GRIK1: variants seen among roughly 807,000 people sequenced by gnomAD.
The protein encoded by GRIK1 is glutamate ionotropic receptor kainate type subunit 1, also known as glutamate receptor ionotropic, kainate 1.
A neutral mutation model predicts 105.7 loss-of-function variants in GRIK1; 69 were observed. The observed-to-expected ratio is 0.65, with a 90% CI of 0.54 to 0.80. GRIK1 has a LOEUF of 0.80. Ranked by LOEUF, GRIK1 falls within the 30% of genes least tolerant of loss-of-function variation. The pLI is 0.00. For synonymous variants in GRIK1, 438 were observed against 431.3 expected (o/e 1.02, Z -0.19); for missense variants, 1,109 against 1,167.3 (o/e 0.95, Z 0.73).
intron 7 of GRIK1, among the ~76,000 whole-genome samples, chr21:29,640,927 TTTG>T (rs143408617): frequency 2.0e-5 from 3 of 152,192 alleles, no homozygotes; most frequent in South Asian, 2.1e-4. Context: ...TTGTGATGTC[TTTG>T]TTGTTGTTGT....
rs2067967642 is a variant in GRIK1 at position 29,841,069 on chromosome 21, A to T, written c.118+98314T>A. On this transcript the variant is annotated intron_variant, in intron 1 of 17. Transcript: ENST00000327783. ...ATATTTAGCTTTTCTTATTTTAAAA[A>T]TTTACTTATACTAGCAAATAAGAAA... Among the ~76,000 whole-genome samples the T allele has an allele frequency of 2.0e-5, 3 of 152,272 alleles. 1 individual carries two copies. Among genetic ancestry groups the T allele is most frequent in the South Asian group, 4.1e-4 (2 of 4,828 alleles).
At chr21:29,928,374 T>C (rs1386149622) in intron 1 of GRIK1, among the ~76,000 whole-genome samples, 1 of 152,210 alleles carries the variant, frequency 6.6e-6, no homozygotes, top group African/African-American at 2.4e-5. Flanking sequence ...CAGCTCCATC[T>C]TTCTTCCCCT....
chr21:29,692,805 C>T (rs934334058), intron 2 of GRIK1, among the ~76,000 whole-genome samples: 2 of 152,210 alleles, frequency 1.3e-5, no homozygotes, highest in South Asian at 2.1e-4. Context: ...GATCTCCTGA[C>T]CTCGTGATCC....
In GRIK1 at chr21:29,840,697, A is replaced by AT. The variant is rs199683981; in HGVS notation, c.118+98685dup. Among the ~76,000 whole-genome samples the AT allele has an allele frequency of 8.5e-3, 1,298 of 152,212 alleles. 21 individuals are homozygous for AT. The highest frequency in any genetic ancestry group is 0.03 in the African/African-American group (1,251 of 41,538). ...TTCAATAATTGTTTTGGCTCATAAT[A>AT]TTTTTTTACACTGTGTCTGAACAAT... On this transcript the variant is annotated intron_variant, in intron 1 of 17. Coordinates refer to ENST00000327783, the MANE Select transcript of GRIK1 (RefSeq NM_001330994.2).
chr21:29,905,619 A>ATTTTTTTTTTTTTTT (rs869179451), intron 1 of GRIK1, among the ~76,000 whole-genome samples: 1 of 72,582 alleles, frequency 1.4e-5, no homozygotes, highest in Non-Finnish European at 2.5e-5. Context: ...CAAATTTTGT[A>ATTTTTTTTTTTTTTT]TTTTTTTTTT....
At chr21:29,787,334 C>T (rs1321169220) in intron 1 of GRIK1, among the ~76,000 whole-genome samples, 1 of 152,154 alleles carries the variant, frequency 6.6e-6, no homozygotes, top group African/African-American at 2.4e-5. Context: ...CAGTGTTAAA[C>T]ATCATGGAGT....
chr21:29,734,443 C>A (rs2064731170), intron 1 of GRIK1, among the ~76,000 whole-genome samples: 1 of 144,346 alleles, frequency 6.9e-6, no homozygotes, highest in South Asian at 2.1e-4. Context: ...GAGTCTTACT[C>A]TCTTGCCCAG....
At chr21:29,852,836 G>C (rs2068351337) in intron 1 of GRIK1, among the ~76,000 whole-genome samples, 1 of 152,118 alleles carries the variant, frequency 6.6e-6, no homozygotes, top group Non-Finnish European at 1.5e-5. Context: ...AATTGCAGTA[G>C]GGATATATTT....
intron 1 of GRIK1, among the ~76,000 whole-genome samples, chr21:29,881,667 C>G (rs2069412360): frequency 6.6e-6 from 1 of 152,074 alleles, no homozygotes; most frequent in Non-Finnish European, 1.5e-5. Context: ...GTGAAATTGG[C>G]ATATGAACAA....
At chr21:29,758,687 C>A (rs2065419330) in intron 1 of GRIK1, 1 of 152,570 alleles carries the variant, frequency 6.6e-6, no homozygotes, top group Non-Finnish European at 1.5e-5. Context: ...TAATTTACTT[C>A]CAGTCAAAGA....
intron 7 of GRIK1, among the ~76,000 whole-genome samples, chr21:29,624,849 G>GAA (rs1412363200): frequency 1.9e-3 from 296 of 152,334 alleles, no homozygotes; most frequent in Non-Finnish European, 3.1e-3. Flanking sequence ...GAGAGGGCTT[G>GAA]CCCTCCTTCT....
At chr21:29,783,240 A>G (rs538111214) in intron 1 of GRIK1, among the ~76,000 whole-genome samples, 3 of 152,168 alleles carry the variant, frequency 2.0e-5, no homozygotes, top group East Asian at 1.9e-4. Context: ...TTCTATTACA[A>G]TATTTGTATT....
intron 1 of GRIK1, among the ~76,000 whole-genome samples, chr21:29,863,577 A>C (rs1429652789): frequency 6.6e-6 from 1 of 152,138 alleles, no homozygotes; most frequent in Non-Finnish European, 1.5e-5. Flanking sequence ...TCTTCTTTTG[A>C]CATTGTCTAT....
chr21:29,845,076 T>C (rs2146019119), intron 1 of GRIK1, among the ~76,000 whole-genome samples: 2 of 152,326 alleles, frequency 1.3e-5, no homozygotes, highest in South Asian at 4.1e-4. Context: ...ATCTTTAAAA[T>C]TAAATAACTT....
chr21:29,809,729 C>T (rs768684328), intron 1 of GRIK1, among the ~76,000 whole-genome samples: 31 of 152,194 alleles, frequency 2.0e-4, no homozygotes, highest in Non-Finnish European at 3.4e-4. Context: ...CGGCTTTTGC[C>T]ATGTCTTCCT....
At chr21:29,919,702 T>C (rs1171179455) in intron 1 of GRIK1, among the ~76,000 whole-genome samples, 1 of 152,178 alleles carries the variant, frequency 6.6e-6, no homozygotes, top group Non-Finnish European at 1.5e-5. Flanking sequence ...AGCCATTTGA[T>C]TCATTATTAA....
chr21:29,938,518 T>C (rs2071853680), intron 1 of GRIK1, among the ~76,000 whole-genome samples: 1 of 152,170 alleles, frequency 6.6e-6, no homozygotes, highest in Non-Finnish European at 1.5e-5. Context: ...TGGTGGTGGG[T>C]GCTATACACT....
At chr21:29,698,051 C>T (rs1338017946) in intron 1 of GRIK1, among the ~76,000 whole-genome samples, 2 of 151,146 alleles carry the variant, frequency 1.3e-5, no homozygotes, top group African/African-American at 2.4e-5. Flanking sequence ...CTCTCTGTCT[C>T]CCTCCCTTCC....
intron 1 of GRIK1, among the ~76,000 whole-genome samples, chr21:29,871,495 C>T (rs577270384): frequency 3.3e-5 from 5 of 152,224 alleles, no homozygotes; most frequent in African/African-American, 1.2e-4. Flanking sequence ...TGACTGAGTT[C>T]GACCTAAAAT....
Sources: gnomAD v4.1 joint callset for allele counts (sites outside exome capture counted in the v4.1 genomes callset) on GRCh38, gnomAD v4.1.1 for gene constraint, MANE v1.5 for transcripts, NCBI Gene and HGNC (gene_info 2026-07-23, HGNC 2026-07-21) for gene names.